Variants in CCSER2 observed in about 807,000 individuals in gnomAD.
CCSER2 encodes serine-rich coiled-coil domain-containing protein 2.
Under a neutral mutation model 92.3 loss-of-function variants are expected in CCSER2, and 46 were observed. The ratio of observed to expected loss-of-function variants is 0.50; its 90% CI spans 0.39 to 0.64. The LOEUF is 0.64. CCSER2 is among the 30% of genes least tolerant of loss of function. The pLI is 0.00. For missense variants in CCSER2, 1,244 were observed against 1,238.9 expected (o/e 1.00, Z -0.06); for synonymous variants, 433 against 431.4 (o/e 1.00, Z -0.04).
intron 1 of CCSER2, among the ~76,000 whole-genome samples, chr10:84,337,949 C>A (rs557891168): frequency 1.4e-4 from 22 of 152,220 alleles, no homozygotes; most frequent in African/African-American, 5.1e-4. Context: ...TACCCGTGGA[C>A]ACATTTAACT....
At chr10:84,383,971 G>A (rs1841054723) in intron 3 of CCSER2, among the ~76,000 whole-genome samples, 1 of 152,080 alleles carries the variant, frequency 6.6e-6, no homozygotes, top group Admixed American at 6.5e-5. Context: ...TACAACTGAT[G>A]CCATGGAAAT....
At chr10:84,455,426 C>A (rs1845558431) in intron 6 of CCSER2, among the ~76,000 whole-genome samples, 1 of 152,068 alleles carries the variant, frequency 6.6e-6, no homozygotes, top group Non-Finnish European at 1.5e-5. Flanking sequence ...TAGGTGCCTG[C>A]CACCATATGT....
intron 8 of CCSER2, among the ~76,000 whole-genome samples, chr10:84,471,193 T>TGG (rs1846774001): frequency 6.6e-6 from 1 of 152,030 alleles, no homozygotes; most frequent in South Asian, 2.1e-4. Context: ...TCTGAGCCAC[T>TGG]GGGGTCAGCT....
At chr10:84,477,786 G>T in intron 9 of CCSER2, 122 bp downstream of exon 9, 1 of 590,352 alleles carries the variant, frequency 1.7e-6, no homozygotes, top group Non-Finnish European at 3.0e-6. Flanking sequence ...TTTTTTGTAG[G>T]TAATTTATTT....
chr10:84,441,733 AATGTTTTT>A (rs1844549916), intron 6 of CCSER2, among the ~76,000 whole-genome samples: 4 of 115,916 alleles, frequency 3.5e-5, no homozygotes, highest in East Asian at 5.5e-4. Flanking sequence ...AGACTGGGAA[AATGTTTTT>A]TTTTTTTTTT....
intron 9 of CCSER2, among the ~76,000 whole-genome samples, chr10:84,487,624 C>T (rs1227905048): frequency 1.3e-5 from 2 of 152,144 alleles, no homozygotes; most frequent in African/African-American, 2.4e-5. Flanking sequence ...TGCTTATCAG[C>T]TTAAGGAGAT....
At position 84,372,139 on chromosome 10, in the gene CCSER2, A is replaced by G. The variant is rs1846095106; in HGVS notation, c.1087A>G (p.Lys363Glu). ...TTTGGCTAAGGACAGAGCTGCTAATAAGGACCAAGAACTGATTGAAAATGA... is the reference window on the plus strand; with the variant it reads ...TTTGGCTAAGGACAGAGCTGCTAATGAGGACCAAGAACTGATTGAAAATGA... ...TVLAKDRAAN[K>E]DQELIENESY... The change falls in exon 2 of 10, where the codon AAG (lysine) becomes GAG (glutamate). Residue 363 changes from lysine (K) to glutamate (E), a missense_variant. Coordinates refer to ENST00000372088, the MANE Select transcript of CCSER2 (RefSeq NM_001284240.2). 1 of 1,613,578 alleles carries G rather than the reference A, an allele frequency of 6.2e-7. No homozygotes were observed. The highest frequency in any genetic ancestry group is 1.3e-5 in the African/African-American group (1 of 75,002).
Position 84,373,629 on chromosome 10 carries a change from A to G in CCSER2, c.1428A>G (p.Glu476=). ...WIDISVSDRS[E]CTKHTSGNNL... ...TTTTTTCTCTTGAAGACAGGAGTGA[A>G]TGTACAAAACATACTTCTGGGAATA... Residue 476 remains glutamate (E), a synonymous_variant, in exon 3 of 10, where the codon GAA becomes GAG. Coordinates refer to ENST00000372088, the MANE Select transcript of CCSER2 (RefSeq NM_001284240.2). 1 of 1,610,038 alleles carries G rather than the reference A, an allele frequency of 6.2e-7. No homozygotes were observed. The highest frequency in any genetic ancestry group is 8.5e-7 in the Non-Finnish European group (1 of 1,176,764).
intron 1 of CCSER2, among the ~76,000 whole-genome samples, chr10:84,369,951 G>T (rs1845977308): frequency 6.6e-6 from 1 of 152,048 alleles, no homozygotes; most frequent in African/African-American, 2.4e-5. Context: ...TCAAAGGTCA[G>T]TTGATTGTAT....
At chr10:84,375,022 A>G (rs987783277) in intron 3 of CCSER2, among the ~76,000 whole-genome samples, 1 of 152,180 alleles carries the variant, frequency 6.6e-6, no homozygotes, top group East Asian at 1.9e-4. Context: ...CTCAGAAAAG[A>G]TAACAGTTTA....
At chr10:84,466,451 C>T (rs1846434595) in intron 7 of CCSER2, among the ~76,000 whole-genome samples, 1 of 151,972 alleles carries the variant, frequency 6.6e-6, no homozygotes, top group Admixed American at 6.6e-5. Context: ...TATGTTTGTT[C>T]ATCCAGTAAA....
intron 1 of CCSER2, among the ~76,000 whole-genome samples, chr10:84,362,227 G>C: frequency 6.6e-6 from 1 of 152,292 alleles, no homozygotes. Flanking sequence ...AGCAGATCCT[G>C]TATAGACTGA....
At position 84,372,246 on chromosome 10, in the gene CCSER2, C is replaced by T. The variant is rs1221831089; in HGVS notation, c.1194C>T (p.Ser398=). The change falls in exon 2 of 10, where the codon TCC becomes TCT. Residue 398 remains serine (S), a synonymous_variant. Coordinates refer to ENST00000372088, the MANE Select transcript of CCSER2 (RefSeq NM_001284240.2). ...TGAGTGATGATGTGGATGACATTTC[C>T]TTGTCGTCTTTGTCATCTTCTGATA... ...RYLSDDVDDI[S]LSSLSSSDKN... is the part of the protein sequence containing the mutation. 6.2e-7 allele frequency: 1 copy of T among 1,613,016 alleles called. No homozygotes were observed. The highest frequency in any genetic ancestry group is 8.5e-7 in the Non-Finnish European group (1 of 1,179,354).
chr10:84,458,162 G>A (rs895904789), intron 6 of CCSER2, among the ~76,000 whole-genome samples: 1 of 152,134 alleles, frequency 6.6e-6, no homozygotes, highest in Non-Finnish European at 1.5e-5. Context: ...AAGTGGATAA[G>A]TTTTATAGTT....
intron 5 of CCSER2, among the ~76,000 whole-genome samples, chr10:84,426,505 T>A (rs993564230): frequency 3.9e-5 from 6 of 152,186 alleles, no homozygotes; most frequent in African/African-American, 1.4e-4. Context: ...CACTTTACTA[T>A]CTTTAAAACA....
At chr10:84,382,183 G>C (rs1441930505) in intron 3 of CCSER2, among the ~76,000 whole-genome samples, 2 of 152,148 alleles carry the variant, frequency 1.3e-5, no homozygotes, top group South Asian at 4.1e-4. Context: ...TATTTTGGGA[G>C]TGGGCTTGGG....
intron 3 of CCSER2, among the ~76,000 whole-genome samples, chr10:84,382,069 A>G (rs959715693): frequency 2.0e-5 from 3 of 152,184 alleles, no homozygotes; most frequent in African/African-American, 7.2e-5. Flanking sequence ...ATTTTGCCCC[A>G]TGTGACTTTT....
rs958393758 is a variant in CCSER2, at chr10:84,425,765, A to G, written c.1740A>G (p.Pro580=). 20 of 1,613,472 alleles carry G rather than the reference A, an allele frequency of 1.2e-5. No homozygotes were observed. In the African/African-American group the frequency reaches 2.4e-4, roughly 19 times the overall value. The change falls in exon 5 of 10, where the codon CCA becomes CCG. Residue 580 remains proline (P), a synonymous_variant. Coordinates refer to ENST00000372088, the MANE Select transcript of CCSER2 (RefSeq NM_001284240.2). ...ECDNMNRFDR[P]DRNVRQPQEG... is the part of the protein sequence containing the mutation. ...ACAATATGAACCGCTTTGACCGACC[A>G]GACAGAAATGTTCGGCAGCCTCAGG...
chr10:84,347,175 A>G (rs892769623), intron 1 of CCSER2, among the ~76,000 whole-genome samples: 4 of 152,210 alleles, frequency 2.6e-5, no homozygotes, highest in African/African-American at 4.8e-5. Flanking sequence ...TCCCATGTCT[A>G]CTTCCTTCCA....
Sources: gnomAD v4.1 joint callset for allele counts (sites outside exome capture counted in the v4.1 genomes callset) on GRCh38, gnomAD v4.1.1 for gene constraint, MANE v1.5 for transcripts, NCBI Gene and HGNC (gene_info 2026-07-23, HGNC 2026-07-21) for gene names.